The following ROBO2 variants were observed in gnomAD, a reference collection of about 807,000 sequenced individuals.
The protein encoded by ROBO2 is roundabout guidance receptor 2.
In ROBO2, 53 loss-of-function variants were observed where a neutral mutation model predicts 160.8. The ratio of observed to expected loss-of-function variants is 0.33; its 90% CI spans 0.26 to 0.41. The LOEUF (loss-of-function observed/expected upper bound fraction) is 0.41. Among genes scored for constraint, ROBO2 ranks in the 10% least tolerant of loss-of-function variants. ROBO2 has a pLI of 1.00. For missense variants in ROBO2, 1,577 were observed against 1,722.4 expected (o/e 0.92, Z 1.49); for synonymous variants, 664 against 611.7 (o/e 1.09, Z -1.26).
intron 2 of ROBO2, among the ~76,000 whole-genome samples, chr3:76,256,657 A>G (rs1411119065): frequency 6.6e-6 from 1 of 151,990 alleles, no homozygotes; most frequent in Non-Finnish European, 1.5e-5. Flanking sequence ...GCTGCAGTGA[A>G]CCATGATCAT....
intron 6 of ROBO2, among the ~76,000 whole-genome samples, chr3:77,539,608 C>T (rs887960079): frequency 6.6e-6 from 1 of 151,984 alleles, no homozygotes; most frequent in Non-Finnish European, 1.5e-5. Flanking sequence ...TGCTTTAGAT[C>T]AAGAATTCTG....
intron 1 of ROBO2, among the ~76,000 whole-genome samples, chr3:77,056,002 GA>G (rs1396402311): frequency 6.6e-6 from 1 of 152,164 alleles, no homozygotes; most frequent in Non-Finnish European, 1.5e-5. Context: ...TTTGAGAGAG[GA>G]TTTAGGACAT....
chr3:77,090,484 G>A (rs1363944539), intron 1 of ROBO2, among the ~76,000 whole-genome samples: 1 of 151,300 alleles, frequency 6.6e-6, no homozygotes, highest in Non-Finnish European at 1.5e-5. Context: ...CTCCCGAGTA[G>A]CTGGGACGAC....
At chr3:76,695,562 T>C (rs1280351998) in intron 2 of ROBO2, among the ~76,000 whole-genome samples, 1 of 152,254 alleles carries the variant, frequency 6.6e-6, no homozygotes, top group Non-Finnish European at 1.5e-5. Context: ...ATTATTAGTT[T>C]GTATTATTAA....
intron 2 of ROBO2, among the ~76,000 whole-genome samples, chr3:76,707,731 G>GTATATATATATATATATATA (rs56401900): frequency 3.7e-5 from 5 of 134,206 alleles, no homozygotes; most frequent in African/African-American, 8.2e-5. Flanking sequence ...ACATGTGTGT[G>GTATATATATATATATATATA]TATATATATA....
At chr3:77,425,695 C>G (rs564187613) in intron 2 of ROBO2, among the ~76,000 whole-genome samples, 3 of 148,932 alleles carry the variant, frequency 2.0e-5, no homozygotes, top group Non-Finnish European at 4.4e-5. Flanking sequence ...GATGGAGTCT[C>G]TCTGTGTCGC....
chr3:76,809,847 G>A (rs886224901), intron 2 of ROBO2, among the ~76,000 whole-genome samples: 1 of 151,958 alleles, frequency 6.6e-6, no homozygotes, highest in East Asian at 1.9e-4. Flanking sequence ...ATTAAGGAAA[G>A]ATGAGAAAAT....
chr3:76,422,571 T>C (rs1157282985), intron 2 of ROBO2, among the ~76,000 whole-genome samples: 1 of 152,218 alleles, frequency 6.6e-6, no homozygotes, highest in African/African-American at 2.4e-5. Flanking sequence ...CATCGTCTTT[T>C]TGGAAATGGG....
chr3:76,430,864 C>T (rs1418814946), intron 2 of ROBO2, among the ~76,000 whole-genome samples: 1 of 151,872 alleles, frequency 6.6e-6, no homozygotes, highest in Admixed American at 6.6e-5. Context: ...CTTAAAAAGT[C>T]TTAAAGGCTT....
At chr3:77,099,735 A>G (rs1285488499) in intron 2 of ROBO2, among the ~76,000 whole-genome samples, 1 of 152,008 alleles carries the variant, frequency 6.6e-6, no homozygotes, top group East Asian at 1.9e-4. Context: ...TTTTCCCCCA[A>G]CAGACCCTTT....
At chr3:77,144,992 A>C (rs1307958105) in intron 2 of ROBO2, among the ~76,000 whole-genome samples, 1 of 152,156 alleles carries the variant, frequency 6.6e-6, no homozygotes, top group Admixed American at 6.5e-5. Flanking sequence ...GATAGGAAGT[A>C]GTCAGTTGCC....
intron 2 of ROBO2, among the ~76,000 whole-genome samples, chr3:76,905,130 A>G (rs1219994223): frequency 6.6e-6 from 1 of 152,152 alleles, no homozygotes; most frequent in East Asian, 1.9e-4. Context: ...TTGCAAGGAT[A>G]TGGGTTAGAT....
chr3:75,993,267 G>A (rs891930689), intron 2 of ROBO2, among the ~76,000 whole-genome samples: 2 of 152,118 alleles, frequency 1.3e-5, no homozygotes, highest in Non-Finnish European at 2.9e-5. Flanking sequence ...GGACCCAGTG[G>A]GAAGTAATTG....
intron 2 of ROBO2, among the ~76,000 whole-genome samples, chr3:77,227,459 T>C (rs1018798889): frequency 2.0e-5 from 3 of 152,350 alleles, no homozygotes; most frequent in African/African-American, 7.2e-5. Flanking sequence ...TCTACTGCAA[T>C]GCATTTTGAC....
chr3:76,399,276 G>A (rs888715672), intron 2 of ROBO2, among the ~76,000 whole-genome samples: 4 of 142,310 alleles, frequency 2.8e-5, no homozygotes, highest in Non-Finnish European at 4.6e-5. Context: ...TGTCTGCTGT[G>A]TGCCAGATGT....
chr3:76,305,463 G>A (rs1319537664), intron 2 of ROBO2, among the ~76,000 whole-genome samples: 1 of 137,032 alleles, frequency 7.3e-6, no homozygotes, highest in African/African-American at 2.7e-5. Flanking sequence ...ATAAAATGAT[G>A]GCTACAAGAA....
chr3:77,445,846 A>C (rs566726531), intron 2 of ROBO2, among the ~76,000 whole-genome samples: 11 of 147,842 alleles, frequency 7.4e-5, no homozygotes, highest in Non-Finnish European at 1.6e-4. Flanking sequence ...GCTTTCTGTA[A>C]TATAAACCAC....
intron 2 of ROBO2, among the ~76,000 whole-genome samples, chr3:76,069,887 TA>T (rs1457920290): frequency 6.6e-6 from 1 of 152,192 alleles, no homozygotes; most frequent in African/African-American, 2.4e-5. Flanking sequence ...TTCCCCAAAT[TA>T]ATACTTTTGT....
At chr3:76,115,781 A>G (rs2070442146) in intron 2 of ROBO2, among the ~76,000 whole-genome samples, 1 of 152,116 alleles carries the variant, frequency 6.6e-6, no homozygotes, top group Non-Finnish European at 1.5e-5. Context: ...CTTTTAATTT[A>G]GCCATATGGA....
Sources: gnomAD v4.1 joint callset for allele counts (sites outside exome capture counted in the v4.1 genomes callset) on GRCh38, gnomAD v4.1.1 for gene constraint, MANE v1.5 for transcripts, NCBI Gene and HGNC (gene_info 2026-07-23, HGNC 2026-07-21) for gene names.